Variants in CTNNA3 observed in about 807,000 individuals in gnomAD.
CTNNA3 encodes the protein catenin alpha-3.
Under a neutral mutation model 95.7 loss-of-function variants are expected in CTNNA3, and 76 were observed. That is an observed-to-expected ratio of 0.79 (90% CI 0.66 to 0.96). The LOEUF is 0.96. CTNNA3 is among the 40% of genes least tolerant of loss of function. CTNNA3 has a pLI of 0.00. For synonymous variants in CTNNA3, 431 were observed against 374.4 expected (o/e 1.15, Z -1.74); for missense variants, 1,191 against 1,089.8 (o/e 1.09, Z -1.31).
intron 9 of CTNNA3, among the ~76,000 whole-genome samples, chr10:66,750,281 G>T (rs944825438): frequency 2.6e-5 from 4 of 152,096 alleles, no homozygotes; most frequent in African/African-American, 9.7e-5. Context: ...TATCTAAAAA[G>T]TTGTTGCCAT....
chr10:67,347,806 T>C (rs985059939), intron 5 of CTNNA3, among the ~76,000 whole-genome samples: 1 of 122,784 alleles, frequency 8.1e-6, no homozygotes, highest in Non-Finnish European at 1.7e-5. Flanking sequence ...ATGCATCAGA[T>C]AGAAAGTAAA....
intron 1 of CTNNA3, among the ~76,000 whole-genome samples, chr10:67,728,124 T>G (rs1841254444): frequency 6.9e-6 from 1 of 145,208 alleles, no homozygotes; most frequent in Non-Finnish European, 1.5e-5. Context: ...GGTGTATATA[T>G]AACACATATA....
chr10:67,231,380 C>A (rs149176725), intron 5 of CTNNA3, among the ~76,000 whole-genome samples: 1 of 152,206 alleles, frequency 6.6e-6, no homozygotes, highest in Non-Finnish European at 1.5e-5. Context: ...GACCCCAGAG[C>A]AGCCTAACTG....
intron 9 of CTNNA3, among the ~76,000 whole-genome samples, chr10:66,672,463 A>G (rs1490658528): frequency 6.6e-6 from 1 of 152,126 alleles, no homozygotes; most frequent in Non-Finnish European, 1.5e-5. Context: ...TTAGGGAAAA[A>G]AGATGAAAAT....
chr10:66,656,859 T>C (rs1309373095), intron 9 of CTNNA3, among the ~76,000 whole-genome samples: 1 of 152,044 alleles, frequency 6.6e-6, no homozygotes, highest in African/African-American at 2.4e-5. Flanking sequence ...TTTTTTGCAA[T>C]GTAGCCCCTT....
intron 7 of CTNNA3, among the ~76,000 whole-genome samples, chr10:67,038,912 A>C (rs1039527143): frequency 6.6e-6 from 1 of 152,104 alleles, no homozygotes; most frequent in African/African-American, 2.4e-5. Context: ...TTAACTATAA[A>C]ATCCAGATAA....
chr10:67,753,790 C>T (rs1392326319), intron 1 of CTNNA3, among the ~76,000 whole-genome samples: 4 of 151,946 alleles, frequency 2.6e-5, no homozygotes, highest in African/African-American at 4.8e-5. Flanking sequence ...GTCAGAATGG[C>T]GATTATTATA....
chr10:67,193,996 A>G (rs1241501140), intron 6 of CTNNA3, among the ~76,000 whole-genome samples: 3 of 151,956 alleles, frequency 2.0e-5, no homozygotes, highest in African/African-American at 7.2e-5. Context: ...ACTTTTTAAT[A>G]CTAGCCTTTC....
At chr10:67,166,746 A>C (rs1861784908) in intron 7 of CTNNA3, among the ~76,000 whole-genome samples, 1 of 152,224 alleles carries the variant, frequency 6.6e-6, no homozygotes, top group Non-Finnish European at 1.5e-5. Context: ...TTTGCCTAAA[A>C]AATTGTATAG....
intron 7 of CTNNA3, among the ~76,000 whole-genome samples, chr10:66,923,036 A>C (rs545774752): frequency 5.9e-5 from 9 of 152,180 alleles, no homozygotes; most frequent in Non-Finnish European, 1.3e-4. Context: ...TGTGCTAGCC[A>C]ATACTAGGTC....
rs537107784 is a variant in CTNNA3 at position 66,721,863 on chromosome 10, A to G, written c.1281+44401T>C. ...CATCACTGTTAATCCTCATGCTGTC[A>G]TACCCATTTTACAGATTAGGAGGAA... is the stretch of plus-strand genomic sequence containing the variant. On this transcript the variant is annotated intron_variant, in intron 9 of 17. Coordinates refer to ENST00000433211, the MANE Select transcript of CTNNA3 (RefSeq NM_013266.4). Among the ~76,000 whole-genome samples, 21 of 152,320 alleles carry G rather than the reference A, an allele frequency of 1.4e-4. No homozygotes were observed. In the South Asian group the frequency reaches 4.1e-3, roughly 30 times the overall value.
At chr10:66,053,467 A>G (rs1235330763) in intron 15 of CTNNA3, among the ~76,000 whole-genome samples, 1 of 152,058 alleles carries the variant, frequency 6.6e-6, no homozygotes, top group African/African-American at 2.4e-5. Context: ...ATCATGGAGC[A>G]TGGGGTATCC....
chr10:66,482,148 G>A (rs1839560201), intron 11 of CTNNA3, among the ~76,000 whole-genome samples: 2 of 152,122 alleles, frequency 1.3e-5, no homozygotes, highest in Admixed American at 6.5e-5. Context: ...TCTAAGACTG[G>A]AACTTAATTT....
chr10:66,260,486 G>T (rs535932036), intron 13 of CTNNA3, among the ~76,000 whole-genome samples: 1 of 152,212 alleles, frequency 6.6e-6, no homozygotes, highest in South Asian at 2.1e-4. Flanking sequence ...TTCTCACTGT[G>T]TACACATTAA....
At chr10:67,052,627 T>A (rs1855181093) in intron 7 of CTNNA3, 1 of 152,136 alleles carries the variant, frequency 6.6e-6, no homozygotes, top group Non-Finnish European at 1.5e-5. Flanking sequence ...TCAAAGGTTC[T>A]AAAATATGCT....
chr10:66,397,829 C>T (rs1465033817), intron 11 of CTNNA3, among the ~76,000 whole-genome samples: 1 of 151,818 alleles, frequency 6.6e-6, no homozygotes, highest in African/African-American at 2.4e-5. Context: ...TGGGATCAGA[C>T]TGATCACAAT....
At chr10:66,131,295 A>G (rs72795318) in intron 13 of CTNNA3, among the ~76,000 whole-genome samples, 22,863 of 152,138 alleles carry the variant, frequency 0.15, 2,159 homozygotes, top group Middle Eastern at 0.22. Context: ...TATCCTTCAT[A>G]AGCATTGATG....
chr10:67,671,545 T>G (rs972396865), intron 1 of CTNNA3, among the ~76,000 whole-genome samples: 7 of 148,494 alleles, frequency 4.7e-5, no homozygotes, highest in African/African-American at 1.8e-4. Flanking sequence ...AAGTGTGATA[T>G]TCCCCTTCCT....
At chr10:67,440,732 C>A (rs1351241339) in intron 5 of CTNNA3, among the ~76,000 whole-genome samples, 3 of 152,090 alleles carry the variant, frequency 2.0e-5, no homozygotes, top group Non-Finnish European at 4.4e-5. Flanking sequence ...TACAAGACCA[C>A]CAAGACTGCA....
Sources: allele counts gnomAD v4.1 joint callset (sites outside exome capture counted in the v4.1 genomes callset), GRCh38; gene constraint gnomAD v4.1.1; transcripts MANE v1.5; gene names NCBI Gene and HGNC (gene_info 2026-07-23, HGNC 2026-07-21).